Variants in FRMD6 observed in about 807,000 individuals in gnomAD.
FRMD6 encodes the protein FERM domain containing 6, also known as FERM domain-containing protein 6.
In FRMD6, 37 loss-of-function variants were observed where a neutral mutation model predicts 73.2. The ratio of observed to expected loss-of-function variants is 0.51; its 90% confidence interval spans 0.39 to 0.66. The LOEUF (loss-of-function observed/expected upper bound fraction) is 0.66. FRMD6 is among the 30% of genes least tolerant of loss of function. The pLI, the probability that FRMD6 is intolerant of heterozygous loss-of-function variation, is 0.00. For missense variants in FRMD6, 714 were observed against 780.5 expected (o/e 0.91, Z 1.02); for synonymous variants, 273 against 282.2 (o/e 0.97, Z 0.33).
the FRMD6 span, among the ~76,000 whole-genome samples, chr14:51,473,911 C>T: frequency 6.6e-6 from 1 of 151,994 alleles, no homozygotes; most frequent in Non-Finnish European, 1.5e-5. Flanking sequence ...CTCAAAGCTG[C>T]ATGACTCAAA....
At chr14:51,560,686 G>A (rs1232665011) in intron 1 of FRMD6, among the ~76,000 whole-genome samples, 3 of 152,122 alleles carry the variant, frequency 2.0e-5, no homozygotes, top group Non-Finnish European at 4.4e-5. Context: ...GTTTCACCAT[G>A]TTGATCAGTC....
chr14:51,432,302 C>A, the FRMD6 span, among the ~76,000 whole-genome samples: 1 of 152,108 alleles, frequency 6.6e-6, no homozygotes, highest in Non-Finnish European at 1.5e-5. Context: ...ATGTAAGGCT[C>A]CCCTGGCAGT....
chr14:51,409,693 G>A, the FRMD6 span, among the ~76,000 whole-genome samples: 1 of 152,122 alleles, frequency 6.6e-6, no homozygotes, highest in African/African-American at 2.4e-5. Flanking sequence ...CAACCTCCCA[G>A]ACTCAATTGA....
intron 1 of FRMD6, among the ~76,000 whole-genome samples, chr14:51,497,058 T>C (rs1883337032): frequency 6.6e-6 from 1 of 152,102 alleles, no homozygotes; most frequent in Non-Finnish European, 1.5e-5. Flanking sequence ...AATATCCTCA[T>C]TCAAAAAGGA....
At chr14:51,566,071 A>G (rs61969802) in intron 1 of FRMD6, among the ~76,000 whole-genome samples, 21,781 of 152,196 alleles carry the variant, frequency 0.14, 1,733 homozygotes, top group Non-Finnish European at 0.16. Context: ...AGGCTGAGGC[A>G]GGAGAATGGC....
chr14:51,717,433 C>T (rs940946587), intron 10 of FRMD6: 1 of 152,170 alleles, frequency 6.6e-6, no homozygotes, highest in Non-Finnish European at 1.5e-5. Context: ...TTCATGAAAG[C>T]AGAGCTCTCA....
intron 1 of FRMD6, among the ~76,000 whole-genome samples, chr14:51,514,870 T>C (rs17124054): frequency 0.02 from 3,044 of 152,220 alleles, 76 homozygotes; most frequent in East Asian, 0.072. Flanking sequence ...ACAAAAAAAC[T>C]ATGACGACAA....
chr14:51,561,846 A>T (rs991664186), intron 1 of FRMD6, among the ~76,000 whole-genome samples: 3 of 152,178 alleles, frequency 2.0e-5, no homozygotes, highest in Admixed American at 1.3e-4. Context: ...AAAAGGGGAG[A>T]AATCATCACA....
chr14:51,528,375 G>T (rs1234148749), intron 1 of FRMD6, among the ~76,000 whole-genome samples: 1 of 152,134 alleles, frequency 6.6e-6, no homozygotes, highest in African/African-American at 2.4e-5. Context: ...TTTCCACCTG[G>T]TTTTGCCTGC....
chr14:51,425,791 A>T, the FRMD6 span, among the ~76,000 whole-genome samples: 1 of 152,126 alleles, frequency 6.6e-6, no homozygotes, highest in East Asian at 1.9e-4. Flanking sequence ...GTGAACTTCC[A>T]TCATGACACT....
intron 1 of FRMD6, among the ~76,000 whole-genome samples, chr14:51,513,827 G>A (rs912019168): frequency 1.3e-5 from 2 of 152,012 alleles, no homozygotes; most frequent in Admixed American, 6.5e-5. Context: ...CCCCAGCTAA[G>A]GCCTATCTCT....
the FRMD6 span, among the ~76,000 whole-genome samples, chr14:51,457,511 G>A: frequency 6.6e-6 from 1 of 152,172 alleles, no homozygotes; most frequent in African/African-American, 2.4e-5. Context: ...TGAAGCTAAT[G>A]ATGTGGCAAA....
At chr14:51,623,560 C>T (rs183378474) in intron 2 of FRMD6, among the ~76,000 whole-genome samples, 1 of 152,272 alleles carries the variant, frequency 6.6e-6, no homozygotes, top group Non-Finnish European at 1.5e-5. Context: ...GCTGTTTCTC[C>T]AAGTAGAAAG....
intron 2 of FRMD6, among the ~76,000 whole-genome samples, chr14:51,613,962 G>T (rs897968758): frequency 6.6e-6 from 1 of 151,252 alleles, no homozygotes; most frequent in Non-Finnish European, 1.5e-5. Context: ...TATCACTATC[G>T]CTCAAAATCC....
chr14:51,517,360 C>A (rs1296037029), intron 1 of FRMD6, among the ~76,000 whole-genome samples: 1 of 152,066 alleles, frequency 6.6e-6, no homozygotes, highest in Non-Finnish European at 1.5e-5. Context: ...AATCAAGGCT[C>A]CAAGTATTTA....
the FRMD6 span, among the ~76,000 whole-genome samples, chr14:51,416,599 C>T: frequency 1.8e-4 from 28 of 151,990 alleles, no homozygotes; most frequent in Admixed American, 1.6e-3. Flanking sequence ...GGAATAAGTG[C>T]GATGTGGTGC....
At chr14:51,532,528 C>T (rs1885651209) in intron 1 of FRMD6, among the ~76,000 whole-genome samples, 1 of 152,070 alleles carries the variant, frequency 6.6e-6, no homozygotes, top group South Asian at 2.1e-4. Context: ...GTCCATGATA[C>T]CTCACTGATC....
intron 2 of FRMD6, among the ~76,000 whole-genome samples, chr14:51,591,293 A>AC (rs1424907014): frequency 6.7e-6 from 1 of 150,220 alleles, no homozygotes; most frequent in African/African-American, 2.5e-5. Flanking sequence ...AACAAAACAA[A>AC]CAAAAAAAAA....
chr14:51,523,915 A>G (rs752514177), intron 1 of FRMD6, among the ~76,000 whole-genome samples: 4 of 152,234 alleles, frequency 2.6e-5, no homozygotes, highest in Non-Finnish European at 4.4e-5. Flanking sequence ...GGTGGAAAGC[A>G]TATGGTTATT....
Sources: gnomAD v4.1 joint callset for allele counts (sites outside exome capture counted in the v4.1 genomes callset) on GRCh38, gnomAD v4.1.1 for gene constraint, MANE v1.5 for transcripts, NCBI Gene and HGNC (gene_info 2026-07-23, HGNC 2026-07-21) for gene names.